Variants in FYB2 observed in about 807,000 individuals in gnomAD.
FYB2 encodes the protein FYN binding protein 2, also known as FYN-binding protein 2.
In FYB2, 103 loss-of-function variants were observed where a neutral mutation model predicts 94.1. That is an observed-to-expected ratio of 1.09 (90% CI 0.93 to 1.29). The LOEUF is 1.29. Ranked by LOEUF, FYB2 falls within the 50% of genes most tolerant of loss-of-function variation. The pLI is 0.00. For synonymous variants in FYB2, 293 were observed against 287.9 expected (o/e 1.02, Z -0.18); for missense variants, 896 against 841.5 (o/e 1.06, Z -0.80).
intron 15 of FYB2, among the ~76,000 whole-genome samples, chr1:56,734,106 G>A (rs1299590584): frequency 2.6e-5 from 4 of 152,096 alleles, no homozygotes; most frequent in African/African-American, 9.7e-5. Flanking sequence ...CCTGTATTGG[G>A]TGCATATATA....
At chr1:56,811,938 T>G (rs1646778529) in intron 1 of FYB2, among the ~76,000 whole-genome samples, 1 of 151,964 alleles carries the variant, frequency 6.6e-6, no homozygotes. Flanking sequence ...CATTTTTTTT[T>G]CCTTTTTCTT....
At chr1:56,731,544 G>A (rs1644710577) in intron 15 of FYB2, among the ~76,000 whole-genome samples, 1 of 151,900 alleles carries the variant, frequency 6.6e-6, no homozygotes, top group Admixed American at 6.6e-5. Flanking sequence ...ATCAGGCTGG[G>A]GAGATTTCAG....
In FYB2 at chr1:56,730,140, C is replaced by G. The variant is rs149187345; in HGVS notation, c.1794-3557G>C. On this transcript the variant is annotated intron_variant, in intron 15 of 19. Coordinates refer to ENST00000343433, the MANE Select transcript of FYB2 (RefSeq NM_001004303.5). ...AAAGAATTAGAAAAGGAAGAACAAACCAAATCCAAAGTTAGTAGAAGAAAA... is the reference window on the plus strand; with the variant it reads ...AAAGAATTAGAAAAGGAAGAACAAAGCAAATCCAAAGTTAGTAGAAGAAAA... Among the ~76,000 whole-genome samples, 135 of 151,182 alleles carry G rather than the reference C, an allele frequency of 8.9e-4. 2 individuals carry two copies. The highest frequency in any genetic ancestry group is 3.1e-3 in the African/African-American group (129 of 41,162).
chr1:56,728,970 T>C (rs1317198000), intron 15 of FYB2, among the ~76,000 whole-genome samples: 1 of 152,068 alleles, frequency 6.6e-6, no homozygotes, highest in Non-Finnish European at 1.5e-5. Context: ...TTGGAACAAA[T>C]GTGAAGGTTT....
At chr1:56,805,554 G>T (rs991890819) in intron 1 of FYB2, among the ~76,000 whole-genome samples, 6 of 152,100 alleles carry the variant, frequency 3.9e-5, no homozygotes, top group African/African-American at 1.4e-4. Flanking sequence ...AGCTTACCAG[G>T]ACACATAGCA....
intron 9 of FYB2, among the ~76,000 whole-genome samples, chr1:56,747,819 C>T (rs767204549): frequency 2.6e-5 from 4 of 152,114 alleles, no homozygotes; most frequent in Non-Finnish European, 4.4e-5. Flanking sequence ...CTTGAGGAAT[C>T]ACCACGCTGT....
chr1:56,797,645 C>A (rs182777695), intron 1 of FYB2, among the ~76,000 whole-genome samples: 1 of 152,182 alleles, frequency 6.6e-6, no homozygotes, highest in Non-Finnish European at 1.5e-5. Context: ...TCCTGTGCTA[C>A]GTGGTGGGTA....
At chr1:56,767,808 T>C in intron 5 of FYB2, 21 bp downstream of exon 5, 1 of 1,522,458 alleles carries the variant, frequency 6.6e-7, no homozygotes, top group South Asian at 1.2e-5. Flanking sequence ...GTTACACTAT[T>C]AATTGGCTTA....
intron 9 of FYB2, among the ~76,000 whole-genome samples, chr1:56,750,434 C>T (rs1452620923): frequency 6.6e-6 from 1 of 151,868 alleles, no homozygotes; most frequent in Non-Finnish European, 1.5e-5. Flanking sequence ...AAAGTGATAC[C>T]AAGTCACTAT....
intron 1 of FYB2, among the ~76,000 whole-genome samples, chr1:56,817,237 C>T (rs1040485049): frequency 1.3e-5 from 2 of 152,230 alleles, no homozygotes; most frequent in African/African-American, 4.8e-5. Flanking sequence ...CCTCCAGCTC[C>T]AGTCATTCCT....
intron 9 of FYB2, among the ~76,000 whole-genome samples, chr1:56,745,312 C>T (rs536949655): frequency 6.6e-6 from 1 of 152,166 alleles, no homozygotes; most frequent in South Asian, 2.1e-4. Context: ...ATTCCAGATA[C>T]TTTATCAGCC....
At chr1:56,789,915 G>C (rs2100958285) in intron 2 of FYB2, among the ~76,000 whole-genome samples, 1 of 152,276 alleles carries the variant, frequency 6.6e-6, no homozygotes, top group Middle Eastern at 3.4e-3. Context: ...GGGATTTCCA[G>C]GGCTCATAGC....
chr1:56,765,370 G>T (rs1325352515), intron 5 of FYB2, among the ~76,000 whole-genome samples: 2 of 152,124 alleles, frequency 1.3e-5, no homozygotes, highest in Non-Finnish European at 2.9e-5. Flanking sequence ...TAATCTTTAT[G>T]GACACTAAGT....
intron 1 of FYB2, among the ~76,000 whole-genome samples, chr1:56,802,764 G>A (rs41417144): frequency 0.026 from 3,901 of 152,004 alleles, 70 homozygotes; most frequent in Middle Eastern, 0.071. Flanking sequence ...ACCCTTCGGT[G>A]GATTTCAGAT....
chr1:56,769,720 C>A (rs1645710383), intron 4 of FYB2, among the ~76,000 whole-genome samples: 1 of 151,374 alleles, frequency 6.6e-6, no homozygotes, highest in African/African-American at 2.4e-5. Context: ...TCTAAACTGG[C>A]AGAAGGGAAA....
intron 4 of FYB2, among the ~76,000 whole-genome samples, chr1:56,772,536 ACT>A (rs1645782917): frequency 6.6e-6 from 1 of 152,136 alleles, no homozygotes; most frequent in Non-Finnish European, 1.5e-5. Flanking sequence ...GGACGAAATA[ACT>A]CTATGATTTA....
chr1:56,776,700 CTCTGAACTAGTGGTAGGCTTTTAAATA>C (rs1264466473), intron 4 of FYB2, among the ~76,000 whole-genome samples: 1 of 152,130 alleles, frequency 6.6e-6, no homozygotes, highest in Non-Finnish European at 1.5e-5. Context: ...TGAGGTCACC[CTCTGAACTAGTGGTAGGCTTTTAAATA>C]GGAGCCTGGT....
rs200083622 is a variant in FYB2, at chr1:56,723,693, T to C, written c.1881-12A>G. On this transcript the variant is annotated splice_polypyrimidine_tract_variant and intron_variant, in intron 16 of 19. Coordinates refer to ENST00000343433, the MANE Select transcript of FYB2 (RefSeq NM_001004303.5). ...TTCTAGGAGAGAAACTAGCAAGAAA[T>C]GTGCAGGTAGGGTAAAACGTACTAT... The C allele has an allele frequency of 2.3e-5, 34 of 1,468,918 alleles. No individual in the cohort carries two copies. The highest frequency in any genetic ancestry group is 1.4e-4 in the Admixed American group (8 of 57,080). The allele number at this position is 1,468,918 out of a possible 1,614,324, so 91.0% of individuals were successfully genotyped here.
At chr1:56,795,793 G>A (rs1296431221) in intron 1 of FYB2, among the ~76,000 whole-genome samples, 2 of 152,124 alleles carry the variant, frequency 1.3e-5, no homozygotes, top group Non-Finnish European at 2.9e-5. Flanking sequence ...GTCTCTGTAG[G>A]ATTAATTAAG....
Sources: gnomAD v4.1 joint callset for allele counts (sites outside exome capture counted in the v4.1 genomes callset) on GRCh38, gnomAD v4.1.1 for gene constraint, MANE v1.5 for transcripts, NCBI Gene and HGNC (gene_info 2026-07-23, HGNC 2026-07-21) for gene names.